Variants in PSPC1 observed in about 807,000 individuals in gnomAD.
The protein encoded by PSPC1 is paraspeckle protein 1.
A neutral mutation model predicts 51.6 loss-of-function variants in PSPC1; 14 were observed. That is an observed-to-expected ratio of 0.27 (90% CI 0.18 to 0.42). The LOEUF (loss-of-function observed/expected upper bound fraction) is 0.42, where lower values mean the gene tolerates loss of function less well. Among genes scored for constraint, PSPC1 ranks in the 10% least tolerant of loss-of-function variants. PSPC1 has a pLI of 1.00. For synonymous variants in PSPC1, 193 were observed against 231.9 expected (o/e 0.83, Z 1.53); for missense variants, 406 against 701.1 (o/e 0.58, Z 4.75).
intron 2 of PSPC1, among the ~76,000 whole-genome samples, chr13:19,760,711 G>A (rs915858283): frequency 1.0e-4 from 15 of 150,646 alleles, no homozygotes; most frequent in Admixed American, 8.6e-4. Flanking sequence ...AAAATTAGCC[G>A]GGCACAGTGG....
intron 3 of PSPC1, among the ~76,000 whole-genome samples, chr13:19,752,866 G>A (rs1177913321): frequency 1.3e-5 from 2 of 151,868 alleles, no homozygotes; most frequent in South Asian, 2.1e-4. Context: ...GATTACAGGC[G>A]TGAGCCACCG....
intron 2 of PSPC1, among the ~76,000 whole-genome samples, chr13:19,770,904 AAAAC>A (rs1348742915): frequency 7.4e-4 from 113 of 151,940 alleles, no homozygotes; most frequent in African/African-American, 2.7e-3. Context: ...TCCAAAAAAA[AAAAC>A]AAACAAAAAA....
chr13:19,687,940 C>A lies in PSPC1; in HGVS notation c.1159-10117G>T, dbSNP rs182870192. 3.7e-3 allele frequency among the ~76,000 whole-genome samples: 563 copies of A among 151,978 alleles called. 5 individuals carry two copies. Among genetic ancestry groups the A allele is most frequent in the African/African-American group, 0.013 (522 of 41,446 alleles). On this transcript the variant is annotated intron_variant and NMD_transcript_variant, in intron 6 of 7. Transcript: ENST00000471658. The stretch of plus-strand genomic sequence containing the variant: ...TTTCCAGTCTTGTTTTGGGTTCCTA[C>A]CAGCTTTCTACACAGTATCAACTGT...
intron 3 of PSPC1, among the ~76,000 whole-genome samples, chr13:19,756,653 C>T (rs1324063488): frequency 6.6e-6 from 1 of 151,982 alleles, no homozygotes; most frequent in Admixed American, 6.6e-5. Context: ...ATGCGTGCCA[C>T]CACACCCGGC....
chr13:19,775,954 G>A (rs1050496398), intron 1 of PSPC1, among the ~76,000 whole-genome samples: 1 of 152,096 alleles, frequency 6.6e-6, no homozygotes, highest in Non-Finnish European at 1.5e-5. Flanking sequence ...GGGAGGCTGA[G>A]GCAGGAGAAT....
At chr13:19,716,918 G>A (rs568458566) in intron 6 of PSPC1, among the ~76,000 whole-genome samples, 12 of 152,174 alleles carry the variant, frequency 7.9e-5, no homozygotes, top group African/African-American at 1.9e-4. Flanking sequence ...GGCCAGGCGC[G>A]GTGGCTCACT....
intron 3 of PSPC1, 127 bp downstream of exon 3, chr13:19,759,196 A>G: frequency 1.4e-6 from 1 of 697,704 alleles, no homozygotes. Flanking sequence ...CATTCCATGT[A>G]GACTAGACCA....
At chr13:19,685,479 C>T (rs1007162934) in intron 6 of PSPC1, among the ~76,000 whole-genome samples, 2 of 152,208 alleles carry the variant, frequency 1.3e-5, no homozygotes, top group South Asian at 2.1e-4. Flanking sequence ...AACAAAAGCA[C>T]AGGAAGCACC....
At chr13:19,681,180 A>C (rs1877232381) in intron 6 of PSPC1, among the ~76,000 whole-genome samples, 2 of 152,154 alleles carry the variant, frequency 1.3e-5, no homozygotes, top group South Asian at 4.1e-4. Context: ...AAGCCACTGC[A>C]CTCCAGCCTG....
downstream of PSPC1, among the ~76,000 whole-genome samples, chr13:19,674,255 C>G (rs984483750): frequency 2.0e-5 from 3 of 149,972 alleles, no homozygotes; most frequent in African/African-American, 7.3e-5. Context: ...TTTGTCTGTT[C>G]TGCCAAAATA....
Position 19,782,462 on chromosome 13 carries a change from T to C in PSPC1, c.296A>G (p.Lys99Arg). ...CTCGCCATAGCGTTCGAAGAGCCTC[T>C]TGAAGTCCTCCTCCGTGATGTCGGT... ...LPTDITEEDF[K>R]RLFERYGEPS... The change falls in exon 1 of 9, where the codon AAG becomes AGG. Residue 99 changes from lysine to arginine, a missense_variant. By Grantham distance (26) the Lys-to-Arg change is conservative. Transcript: ENST00000338910. The surrounding 1 kb of genome is among the most constrained non-coding windows in gnomAD (Gnocchi z 4.5). The C allele has an allele frequency of 3.1e-6, 5 of 1,612,234 alleles. No individual in the cohort carries two copies. Among genetic ancestry groups the C allele is most frequent in the African/African-American group, 1.3e-5 (1 of 74,748 alleles).
chr13:19,758,155 T>C (rs1330878894), intron 3 of PSPC1, among the ~76,000 whole-genome samples: 2 of 151,694 alleles, frequency 1.3e-5, no homozygotes, highest in African/African-American at 4.8e-5. Context: ...TCTACTAAAA[T>C]ACAAAAAACT....
chr13:19,782,781 C>G lies in PSPC1; in HGVS notation c.-24G>C, dbSNP rs1011731034. Reference sequence around the variant, plus strand: ...ATCTTACTGAGTTCGCCTCGGACACCGGATACAGGCCTAGATTTATAGACA... The same window carrying G: ...ATCTTACTGAGTTCGCCTCGGACACGGGATACAGGCCTAGATTTATAGACA... On this transcript the variant is annotated 5_prime_UTR_variant, in exon 1 of 9. Transcript: ENST00000338910. The surrounding 1 kb of genome is among the most constrained non-coding windows in gnomAD (Gnocchi z 4.5). 3 of 1,517,082 alleles carry G rather than the reference C, an allele frequency of 2.0e-6. No individual in the cohort carries two copies. In the African/African-American group the frequency reaches 4.4e-5, roughly 22 times the overall value. 94.0% of individuals were successfully genotyped at this position (1,517,082 alleles called of 1,614,324 possible).
chr13:19,693,980 G>T (rs1357204782), intron 6 of PSPC1, among the ~76,000 whole-genome samples: 1 of 151,642 alleles, frequency 6.6e-6, no homozygotes, highest in Admixed American at 6.6e-5. Flanking sequence ...AAAATTAGCC[G>T]GGTGTGGTGG....
chr13:19,769,687 A>G (rs1234598137), intron 2 of PSPC1, among the ~76,000 whole-genome samples: 1 of 152,208 alleles, frequency 6.6e-6, no homozygotes, highest in Non-Finnish European at 1.5e-5. Context: ...GCGAGCTGAG[A>G]TCGCGCCATT....
Position 19,782,767 on chromosome 13 carries a change from T to A in PSPC1, c.-10A>T. ...TTCCTCTTAACATCATCTTACTGAG[T>A]TCGCCTCGGACACCGGATACAGGCC... On this transcript the variant is annotated 5_prime_UTR_variant, in exon 1 of 9. Coordinates refer to ENST00000338910, the MANE Select transcript of PSPC1 (RefSeq NM_001354909.2). The surrounding 1 kb of genome is among the most constrained non-coding windows in gnomAD (Gnocchi z 4.5). 4 of 1,533,674 alleles carry A rather than the reference T, an allele frequency of 2.6e-6. No individual in the cohort carries two copies. The highest frequency in any genetic ancestry group is 2.6e-6 in the Non-Finnish European group (3 of 1,157,318).
At chr13:19,692,695 C>T (rs1878712694) in intron 6 of PSPC1, among the ~76,000 whole-genome samples, 1 of 152,264 alleles carries the variant, frequency 6.6e-6, no homozygotes, top group African/African-American at 2.4e-5. Flanking sequence ...AACACACTTA[C>T]CTTTGGCGTC....
chr13:19,777,140 G>C (rs1417730091), intron 1 of PSPC1, among the ~76,000 whole-genome samples: 1 of 114,820 alleles, frequency 8.7e-6, no homozygotes, highest in Non-Finnish European at 1.8e-5. Context: ...AAAAAAAAGA[G>C]GCCAGGCACA....
intron 6 of PSPC1, among the ~76,000 whole-genome samples, chr13:19,680,333 A>T (rs533651278): frequency 4.6e-5 from 7 of 152,280 alleles, no homozygotes; most frequent in Admixed American, 1.3e-4. Flanking sequence ...AATTTTTAAA[A>T]GGGTCATTTT....
Sources: gnomAD v4.1 joint callset for allele counts (sites outside exome capture counted in the v4.1 genomes callset) on GRCh38, gnomAD v4.1.1 for gene constraint, Gnocchi (gnomAD v3.1) non-coding constraint, MANE v1.5 for transcripts, NCBI Gene and HGNC (gene_info 2026-07-23, HGNC 2026-07-21) for gene names.